CSNK2A2IP: variants seen among roughly 807,000 people sequenced by gnomAD.
CSNK2A2IP encodes the protein casein kinase 2 subunit alpha' interacting protein.
At chr3:88,354,089 T>A in the CSNK2A2IP span, among the ~76,000 whole-genome samples, 2 of 152,172 alleles carry the variant, frequency 1.3e-5, no homozygotes, top group Non-Finnish European at 2.9e-5. Context: ...TCATGTGACA[T>A]CCTGCTCTCC....
the CSNK2A2IP span, among the ~76,000 whole-genome samples, chr3:88,406,876 A>G: frequency 1.4e-4 from 22 of 152,334 alleles, no homozygotes; most frequent in Admixed American, 5.9e-4. Context: ...AGATTCTGCC[A>G]TGGAATTTGC....
At chr3:88,401,003 T>A in the CSNK2A2IP span, among the ~76,000 whole-genome samples, 1 of 152,148 alleles carries the variant, frequency 6.6e-6, no homozygotes, top group Non-Finnish European at 1.5e-5. Flanking sequence ...GATGAATTAG[T>A]ATAAATAGGT....
At chr3:88,364,460 T>C in the CSNK2A2IP span, among the ~76,000 whole-genome samples, 1 of 151,952 alleles carries the variant, frequency 6.6e-6, no homozygotes, top group African/African-American at 2.4e-5. Flanking sequence ...TAAAATAATG[T>C]GAGACAGGAG....
chr3:88,360,849 G>T, the CSNK2A2IP span, among the ~76,000 whole-genome samples: 2 of 151,322 alleles, frequency 1.3e-5, no homozygotes. Flanking sequence ...TTTCATTGTA[G>T]GTTTGGCTTT....
the CSNK2A2IP span, among the ~76,000 whole-genome samples, chr3:88,346,433 T>A: frequency 6.6e-6 from 1 of 152,012 alleles, no homozygotes; most frequent in African/African-American, 2.4e-5. Context: ...GCTTCAAAGC[T>A]TCAAAAGACA....
At chr3:88,342,213 AT>A in the CSNK2A2IP span, among the ~76,000 whole-genome samples, 2 of 152,016 alleles carry the variant, frequency 1.3e-5, no homozygotes, top group East Asian at 3.9e-4. Context: ...AGGAACTTAT[AT>A]ATTCTGTTAC....
the CSNK2A2IP span, among the ~76,000 whole-genome samples, chr3:88,339,624 A>G: frequency 6.6e-6 from 1 of 152,086 alleles, no homozygotes; most frequent in East Asian, 1.9e-4. Context: ...CTGTACCTAC[A>G]AGATTGTTCA....
chr3:88,382,325 G>A, the CSNK2A2IP span, among the ~76,000 whole-genome samples: 34 of 152,260 alleles, frequency 2.2e-4, no homozygotes, highest in African/African-American at 7.2e-4. Flanking sequence ...TCTGTGACAT[G>A]AGTCTGTGAT....
chr3:88,378,135 G>A, the CSNK2A2IP span, among the ~76,000 whole-genome samples: 1 of 151,900 alleles, frequency 6.6e-6, no homozygotes, highest in African/African-American at 2.4e-5. Context: ...TTGTCATTCA[G>A]ATTTATTAAT....
chr3:88,408,547 T>C, the CSNK2A2IP span, among the ~76,000 whole-genome samples: 1 of 152,100 alleles, frequency 6.6e-6, no homozygotes, highest in Non-Finnish European at 1.5e-5. Context: ...ATAAAGCCAG[T>C]GCCTGACCAG....
the CSNK2A2IP span, among the ~76,000 whole-genome samples, chr3:88,408,690 G>T: frequency 6.6e-6 from 1 of 151,940 alleles, no homozygotes; most frequent in African/African-American, 2.4e-5. Context: ...GTTCAAGATT[G>T]CCCATTGAAA....
the CSNK2A2IP span, among the ~76,000 whole-genome samples, chr3:88,422,041 T>C: frequency 6.6e-6 from 1 of 152,332 alleles, no homozygotes; most frequent in African/African-American, 2.4e-5. Flanking sequence ...TTTTGCTACA[T>C]CTGAGAGTCC....
chr3:88,342,756 C>A, the CSNK2A2IP span, among the ~76,000 whole-genome samples: 22 of 151,038 alleles, frequency 1.5e-4, no homozygotes, highest in Admixed American at 9.9e-4. Flanking sequence ...ATGACTCTAC[C>A]ACCTCCATTA....
At chr3:88,394,748 C>T in the CSNK2A2IP span, among the ~76,000 whole-genome samples, 1 of 152,150 alleles carries the variant, frequency 6.6e-6, no homozygotes. Context: ...ATTTGCCTTT[C>T]GTGAAAACTT....
the CSNK2A2IP span, among the ~76,000 whole-genome samples, chr3:88,368,078 A>T: frequency 2.6e-5 from 4 of 152,162 alleles, no homozygotes; most frequent in East Asian, 7.7e-4. Context: ...ATTTTCTCTT[A>T]TAAGTAAACT....
chr3:88,406,559 T>G, the CSNK2A2IP span, among the ~76,000 whole-genome samples: 2 of 152,280 alleles, frequency 1.3e-5, no homozygotes, highest in East Asian at 3.9e-4. Flanking sequence ...AGGGAATGCT[T>G]TGTTCCTATT....
the CSNK2A2IP span, among the ~76,000 whole-genome samples, chr3:88,435,492 A>C: frequency 6.6e-6 from 1 of 152,176 alleles, no homozygotes; most frequent in Non-Finnish European, 1.5e-5. Flanking sequence ...TTCTATAGTT[A>C]TCTATCAACC....
the CSNK2A2IP span, among the ~76,000 whole-genome samples, chr3:88,386,127 T>G: frequency 1.3e-5 from 2 of 152,148 alleles, no homozygotes; most frequent in Admixed American, 6.5e-5. Context: ...TATGCTATTT[T>G]TTTTTTCTTT....
chr3:88,352,550 A>C, the CSNK2A2IP span, among the ~76,000 whole-genome samples: 1 of 152,022 alleles, frequency 6.6e-6, no homozygotes, highest in African/African-American at 2.4e-5. Flanking sequence ...AGAAATATTG[A>C]ATCTGAAAAT....
Sources: allele counts gnomAD v4.1 joint callset (sites outside exome capture counted in the v4.1 genomes callset), GRCh38; gene constraint gnomAD v4.1.1; transcripts MANE v1.5; gene names NCBI Gene and HGNC (gene_info 2026-07-23, HGNC 2026-07-21).